The following THNSL1 variants were observed in gnomAD, a reference collection of about 807,000 sequenced individuals.
THNSL1 encodes threonine synthase-like 1.
Under a neutral mutation model 50.4 loss-of-function variants are expected in THNSL1, and 48 were observed. The observed-to-expected ratio is 0.95, with a 90% CI of 0.76 to 1.21. THNSL1 has a LOEUF of 1.21. Among genes scored for constraint, THNSL1 ranks in the 50% most tolerant of loss-of-function variants. THNSL1 has a pLI of 0.00. For synonymous variants in THNSL1, 309 were observed against 306.1 expected, an observed-to-expected ratio of 1.01 and a Z score of -0.10; for missense variants, 896 against 871.7, an observed-to-expected ratio of 1.03 and a Z score of -0.35.
At chr10:24,984,782 C>T in the THNSL1 span, 20 of 1,613,488 alleles carry the variant, frequency 1.2e-5, no homozygotes, top group East Asian at 1.1e-4. Flanking sequence ...ATGCCAATGT[C>T]GTGTTCTAGT....
chr10:24,960,572 G>A, the THNSL1 span, among the ~76,000 whole-genome samples: 13 of 151,420 alleles, frequency 8.6e-5, no homozygotes, highest in African/African-American at 2.4e-4. Flanking sequence ...GATTACAGGC[G>A]TGCACCACTA....
At chr10:24,997,837 T>C in the THNSL1 span, among the ~76,000 whole-genome samples, 1 of 145,722 alleles carries the variant, frequency 6.9e-6, no homozygotes, top group African/African-American at 2.7e-5. Context: ...GTTTGTGTTA[T>C]ATCATATGTT....
Position 25,023,706 on chromosome 10 carries a change from A to C in THNSL1, c.483A>C (p.Leu161=). 1 of 1,613,976 alleles carries C rather than the reference A, an allele frequency of 6.2e-7. No homozygotes were observed. The highest frequency in any genetic ancestry group is 8.5e-7 in the Non-Finnish European group (1 of 1,180,006). The change falls in exon 3 of 3, where the codon CTA becomes CTC. Residue 161 remains leucine, a synonymous_variant. Transcript: ENST00000376356. Reference sequence around the variant, plus strand: ...ACCTGGATGTACCTCTACTAGATCTAATTTGTCGTCTAAAATTAATGAAGA... The same window carrying C: ...ACCTGGATGTACCTCTACTAGATCTCATTTGTCGTCTAAAATTAATGAAGA... ...IVYLDVPLLD[L]ICRLKLMKTD...
chr10:24,973,756 C>T, the THNSL1 span, among the ~76,000 whole-genome samples: 1 of 151,436 alleles, frequency 6.6e-6, no homozygotes, highest in Non-Finnish European at 1.5e-5. Flanking sequence ...ATAATGATAA[C>T]TCATTTTTTT....
the THNSL1 span, among the ~76,000 whole-genome samples, chr10:24,974,476 T>C: frequency 1.3e-5 from 2 of 152,302 alleles, no homozygotes; most frequent in East Asian, 3.9e-4. Context: ...AGACGTCTTA[T>C]GAAGAATCAA....
chr10:25,000,851 C>T, the THNSL1 span, among the ~76,000 whole-genome samples: 40 of 152,008 alleles, frequency 2.6e-4, no homozygotes, highest in African/African-American at 9.6e-4. Context: ...TTCTATCTTG[C>T]TTTTCATTTT....
chr10:25,015,974 C>G (rs193150385), upstream of THNSL1: 89 of 1,587,522 alleles, frequency 5.6e-5, no homozygotes, highest in Admixed American at 9.4e-4. Flanking sequence ...CTCTCCACAA[C>G]TTTTTTCTCC....
the THNSL1 span, among the ~76,000 whole-genome samples, chr10:24,967,995 A>ATGTGTGTGTGTGTGTGTG: frequency 2.9e-5 from 4 of 139,678 alleles, no homozygotes; most frequent in African/African-American, 1.0e-4. Context: ...TATGTGTATG[A>ATGTGTGTGTGTGTGTGTG]TGTGTGTGTG....
At chr10:24,957,692 G>A in the THNSL1 span, among the ~76,000 whole-genome samples, 1 of 152,092 alleles carries the variant, frequency 6.6e-6, no homozygotes, top group Non-Finnish European at 1.5e-5. Flanking sequence ...CATTGGCCAG[G>A]CTGGTCTCAA....
chr10:25,010,777 T>G, the THNSL1 span, among the ~76,000 whole-genome samples: 2 of 143,954 alleles, frequency 1.4e-5, no homozygotes, highest in African/African-American at 4.9e-5. Context: ...CATGAACTCA[T>G]CATTTTTTAT....
At position 25,024,804 on chromosome 10, in the gene THNSL1, T is replaced by A; in HGVS notation, c.1581T>A (p.Ile527=). Residue 527 remains isoleucine, a synonymous_variant, in exon 3 of 3, where the codon ATT becomes ATA. Coordinates refer to ENST00000376356, the MANE Select transcript of THNSL1 (RefSeq NM_024838.5). Reference sequence around the variant, plus strand: ...ATGCCAAAATGATGGGAATCCCGATTCGAAAATTTATCTGTGCCTCTAATC... The same window carrying A: ...ATGCCAAAATGATGGGAATCCCGATACGAAAATTTATCTGTGCCTCTAATC... The part of the protein sequence containing the change: ...AVYAKMMGIP[I]RKFICASNQN... 1 of 1,614,178 alleles carries A rather than the reference T, an allele frequency of 6.2e-7. No homozygotes were observed. The highest frequency in any genetic ancestry group is 8.5e-7 in the Non-Finnish European group (1 of 1,180,020).
chr10:24,968,090 A>C, the THNSL1 span, among the ~76,000 whole-genome samples: 10 of 152,036 alleles, frequency 6.6e-5, no homozygotes, highest in African/African-American at 2.2e-4. Flanking sequence ...TGCTGCAAAG[A>C]GTGCAAAATA....
chr10:24,990,367 T>C, the THNSL1 span: 1 of 1,457,992 alleles, frequency 6.9e-7, no homozygotes, highest in East Asian at 2.3e-5. Flanking sequence ...GATTTCAAAA[T>C]CCAAGTGCTG....
the THNSL1 span, among the ~76,000 whole-genome samples, chr10:24,957,033 T>C: frequency 6.6e-6 from 1 of 152,202 alleles, no homozygotes; most frequent in Admixed American, 6.5e-5. Context: ...AAAAATTGTC[T>C]TGCACAAAAC....
the THNSL1 span, among the ~76,000 whole-genome samples, chr10:24,995,464 G>T: frequency 6.6e-6 from 1 of 152,096 alleles, no homozygotes; most frequent in Non-Finnish European, 1.5e-5. Context: ...GTTTACTATG[G>T]GTTCTTTGTA....
chr10:25,014,959 CTT>C (rs1480825135), upstream of THNSL1, among the ~76,000 whole-genome samples: 2 of 152,150 alleles, frequency 1.3e-5, no homozygotes, highest in Non-Finnish European at 2.9e-5. Context: ...ACAAATGAAA[CTT>C]TATTCTAAAG....
chr10:24,990,716 C>A, the THNSL1 span: 1 of 1,163,044 alleles, frequency 8.6e-7, no homozygotes, highest in Non-Finnish European at 1.2e-6. Flanking sequence ...AGACTAAATC[C>A]TTTGTTCAAA....
At chr10:24,978,588 G>A in the THNSL1 span, among the ~76,000 whole-genome samples, 1 of 152,024 alleles carries the variant, frequency 6.6e-6, no homozygotes, top group Non-Finnish European at 1.5e-5. Context: ...CTCTGTGGTT[G>A]AAAACCTCAA....
At chr10:24,970,553 A>G in the THNSL1 span, among the ~76,000 whole-genome samples, 1 of 151,824 alleles carries the variant, frequency 6.6e-6, no homozygotes, top group Non-Finnish European at 1.5e-5. Context: ...CTAAAAAAAA[A>G]AAATTAAAAA....
Sources: allele counts gnomAD v4.1 joint callset (sites outside exome capture counted in the v4.1 genomes callset), GRCh38; gene constraint gnomAD v4.1.1; transcripts MANE v1.5; gene names NCBI Gene and HGNC (gene_info 2026-07-23, HGNC 2026-07-21).